Variants in UPP1 observed in about 807,000 individuals in gnomAD.
The protein encoded by UPP1 is uridine phosphorylase 1.
A neutral mutation model predicts 29.6 loss-of-function variants in UPP1; 25 were observed. The ratio of observed to expected loss-of-function variants is 0.85; its 90% confidence interval spans 0.62 to 1.18. The LOEUF (loss-of-function observed/expected upper bound fraction) is 1.18. Among genes scored for constraint, UPP1 ranks in the 50% most tolerant of loss-of-function variants. The probability of loss-of-function intolerance (pLI) is 0.00; values close to 1 mark genes in which losing one functional copy is unlikely to be tolerated. For missense variants in UPP1, 368 were observed against 410.4 expected, an observed-to-expected ratio of 0.90 and a Z score of 0.89; for synonymous variants, 165 against 159.8, an observed-to-expected ratio of 1.03 and a Z score of -0.25.
chr7:48,102,391 G>C (rs1398713990), intron 5 of UPP1, among the ~76,000 whole-genome samples: 1 of 152,160 alleles, frequency 6.6e-6, no homozygotes, highest in African/African-American at 2.4e-5. Context: ...ATTTAGCAAG[G>C]AGCATGGTGA....
chr7:48,104,970 A>G (rs571930802), intron 6 of UPP1: 17 of 152,372 alleles, frequency 1.1e-4, no homozygotes, highest in Admixed American at 1.0e-3. Flanking sequence ...AGCAAAACCA[A>G]AAACCACTGG....
chr7:48,094,678 T>C, intron 2 of UPP1, 85 bp from the exon 3 acceptor site: 1 of 1,216,746 alleles, frequency 8.2e-7, no homozygotes, highest in South Asian at 1.3e-5. Context: ...TTCATTGCAC[T>C]GACTTTCTAC....
At chr7:48,099,292 CA>C (rs2128812175) in intron 3 of UPP1, among the ~76,000 whole-genome samples, 1 of 152,248 alleles carries the variant, frequency 6.6e-6, no homozygotes, top group Admixed American at 6.5e-5. Context: ...CTATGGTAAA[CA>C]TAGTAGTTTT....
chr7:48,100,211 AAC>A (rs1441033639), intron 4 of UPP1, among the ~76,000 whole-genome samples: 2 of 152,186 alleles, frequency 1.3e-5, no homozygotes, highest in Non-Finnish European at 2.9e-5. Flanking sequence ...AGGCAGTTGT[AAC>A]ACAGTGGTAA....
At chr7:48,092,143 C>T (rs1057405698) in intron 2 of UPP1, among the ~76,000 whole-genome samples, 7 of 152,074 alleles carry the variant, frequency 4.6e-5, no homozygotes, top group African/African-American at 1.7e-4. Context: ...AGCTCCCTAC[C>T]CCTAAAGACA....
chr7:48,105,761 A>C (rs1792697010), intron 6 of UPP1: 1 of 152,192 alleles, frequency 6.6e-6, no homozygotes. Context: ...GGTCCCTCTT[A>C]TAAGGGCACT....
chr7:48,098,945 C>A (rs773778293), intron 3 of UPP1, among the ~76,000 whole-genome samples: 1 of 152,162 alleles, frequency 6.6e-6, no homozygotes, highest in Non-Finnish European at 1.5e-5. Context: ...CAGACACACT[C>A]ACTCATTTGT....
At position 48,108,489 on chromosome 7, in the gene UPP1, A is replaced by C; in HGVS notation, c.*132A>C. 2.6e-6 allele frequency: 3 copies of C among 1,139,408 alleles called. No homozygotes were observed. Among genetic ancestry groups the C allele is most frequent in the Non-Finnish European group, 3.6e-6 (3 of 842,188 alleles). 70.6% of individuals were successfully genotyped at this position (1,139,408 alleles called of 1,614,324 possible). On this transcript the variant is annotated 3_prime_UTR_variant, in exon 9 of 9. Coordinates refer to ENST00000395564, the MANE Select transcript of UPP1 (RefSeq NM_003364.4). The stretch of plus-strand genomic sequence containing the variant: ...GAAAATCAGATCGCGATTAAGAGAC[A>C]GAGAATCTTGGATTAACCGCATGGG...
At chr7:48,089,810 C>T (rs1022783877) in intron 1 of UPP1, among the ~76,000 whole-genome samples, 1 of 152,190 alleles carries the variant, frequency 6.6e-6, no homozygotes, top group African/African-American at 2.4e-5. Flanking sequence ...AGGGCGCAGG[C>T]GGGCGCTTCT....
At chr7:48,100,153 G>T (rs1792345265) in intron 4 of UPP1, among the ~76,000 whole-genome samples, 1 of 152,184 alleles carries the variant, frequency 6.6e-6, no homozygotes, top group Non-Finnish European at 1.5e-5. Context: ...TGGGCCATAT[G>T]CCTCTAGGCT....
intron 3 of UPP1, among the ~76,000 whole-genome samples, chr7:48,098,334 T>C (rs1290831230): frequency 6.6e-6 from 1 of 152,176 alleles, no homozygotes; most frequent in Non-Finnish European, 1.5e-5. Context: ...GTGTCTGCTG[T>C]TGATGAGTGC....
chr7:48,090,635 T>C (rs2128806990), intron 2 of UPP1, among the ~76,000 whole-genome samples: 1 of 152,328 alleles, frequency 6.6e-6, no homozygotes, highest in South Asian at 2.1e-4. Context: ...CTTCCTTGAA[T>C]AGAAAGAATG....
intron 5 of UPP1, 41 bp from the exon 6 acceptor site, chr7:48,103,256 C>A: frequency 1.3e-6 from 2 of 1,513,970 alleles, no homozygotes; most frequent in South Asian, 2.3e-5. Context: ...TTGACAAAGT[C>A]ACAACCTTGG....
chr7:48,092,579 G>A (rs368306670), intron 2 of UPP1, among the ~76,000 whole-genome samples: 1 of 152,110 alleles, frequency 6.6e-6, no homozygotes, highest in African/African-American at 2.4e-5. Context: ...ACTCATGCCT[G>A]TAATTCCAGC....
chr7:48,094,650 G>T, intron 2 of UPP1, 113 bp from the exon 3 acceptor site: 1 of 811,558 alleles, frequency 1.2e-6, no homozygotes, highest in Non-Finnish European at 2.1e-6. Context: ...CTTACATCAG[G>T]TGTGTAAGGA....
chr7:48,094,680 A>G (rs1425504580), intron 2 of UPP1, 83 bp from the exon 3 acceptor site: 3 of 1,233,952 alleles, frequency 2.4e-6, no homozygotes, highest in East Asian at 2.3e-5. Flanking sequence ...CATTGCACTG[A>G]CTTTCTACAT....
rs1792526560 is a variant in UPP1, at chr7:48,103,190, C to G, written c.322-107C>G. The G allele has an allele frequency of 7.7e-6, 6 of 781,416 alleles. 1 individual carries two copies. The East Asian group carries it at 1.6e-4, about 21-fold the overall frequency. 48.4% of individuals were successfully genotyped at this position (781,416 alleles called of 1,614,324 possible). Reference sequence around the variant, plus strand: ...TATTTAAAAAGTTTATCTTTCATCACTATGTCAATGGGCATGTTAGATTGA... The same window carrying G: ...TATTTAAAAAGTTTATCTTTCATCAGTATGTCAATGGGCATGTTAGATTGA... On this transcript the variant is annotated intron_variant, in intron 5 of 8. Transcript: ENST00000395564.
chr7:48,099,461 G>A (rs1234877375), intron 3 of UPP1, among the ~76,000 whole-genome samples: 1 of 152,174 alleles, frequency 6.6e-6, no homozygotes, highest in African/African-American at 2.4e-5. Flanking sequence ...AGCCATGGGA[G>A]CAACAGGGGT....
chr7:48,090,673 C>G (rs982701353), intron 2 of UPP1, among the ~76,000 whole-genome samples: 2 of 152,240 alleles, frequency 1.3e-5, no homozygotes, highest in African/African-American at 4.8e-5. Context: ...ACAAGCGCTG[C>G]TGAGCCATTC....
Sources: gnomAD v4.1 joint callset for allele counts (sites outside exome capture counted in the v4.1 genomes callset) on GRCh38, gnomAD v4.1.1 for gene constraint, MANE v1.5 for transcripts, NCBI Gene and HGNC (gene_info 2026-07-23, HGNC 2026-07-21) for gene names.